TRAK2: variants seen among roughly 807,000 people sequenced by gnomAD.
The protein encoded by TRAK2 is trafficking kinesin-binding protein 2.
A neutral mutation model predicts 104.6 loss-of-function variants in TRAK2; 81 were observed. That is an observed-to-expected ratio of 0.77 (90% CI 0.65 to 0.93). The LOEUF (loss-of-function observed/expected upper bound fraction) is 0.93, where lower values mean the gene tolerates loss of function less well. TRAK2 is among the 40% of genes least tolerant of loss of function. The pLI is 0.00. For missense variants in TRAK2, 1,002 were observed against 1,089.0 expected (o/e 0.92, Z 1.12); for synonymous variants, 406 against 394.4 (o/e 1.03, Z -0.35).
At chr2:201,408,681 T>C (rs2125649952) in intron 2 of TRAK2, among the ~76,000 whole-genome samples, 1 of 152,346 alleles carries the variant, frequency 6.6e-6, no homozygotes, top group South Asian at 2.1e-4. Flanking sequence ...GGATATATAC[T>C]TTTTAAAAAT....
Position 201,410,564 on chromosome 2 carries a change from A to C in TRAK2, c.92-2967T>G, listed in dbSNP as rs1047291620. The stretch of plus-strand genomic sequence containing the variant: ...ACACCTCACCCAAAAAGATCTTTAA[A>C]ATCATTGCTAGCTGAACTGCTATTG... On this transcript the variant is annotated intron_variant, in intron 2 of 15. Transcript: ENST00000332624. 4 of 1,212,930 alleles carry C rather than the reference A, an allele frequency of 3.3e-6. No homozygotes were observed. In the African/African-American group the frequency reaches 6.0e-5, roughly 18 times the overall value. 75.1% of individuals were successfully genotyped at this position (1,212,930 alleles called of 1,614,324 possible).
intron 1 of TRAK2, among the ~76,000 whole-genome samples, chr2:201,426,178 C>T (rs1189364613): frequency 6.6e-6 from 1 of 152,184 alleles, no homozygotes; most frequent in African/African-American, 2.4e-5. Flanking sequence ...TACAGCCGCT[C>T]CCCATCACTC....
intron 2 of TRAK2, chr2:201,411,056 AG>A (rs985927236): frequency 1.6e-6 from 2 of 1,214,418 alleles, no homozygotes; most frequent in African/African-American, 3.0e-5. Context: ...CAACTGGTGT[AG>A]AAAACATCAT....
chr2:201,387,730 T>C lies in TRAK2; in HGVS notation c.1669A>G (p.Lys557Glu), dbSNP rs1403662875. Residue 557 changes from lysine to glutamate, a missense_variant, in exon 13 of 16, where the codon AAA (lysine) becomes GAA (glutamate). By Grantham distance (56) the Lys-to-Glu change is moderately conservative (BLOSUM62 1). Transcript: ENST00000332624. ...ASCLRGFMPE[K>E]LQIVKPLEGS... ...TCAAGGGGCTTGACAATTTGTAATTTTTCTGGCATAAAACCTCGAAGGCAA... is the reference window on the plus strand; with the variant it reads ...TCAAGGGGCTTGACAATTTGTAATTCTTCTGGCATAAAACCTCGAAGGCAA... The C allele has an allele frequency of 6.2e-7, 1 of 1,608,810 alleles. No homozygotes were observed. Among genetic ancestry groups the C allele is most frequent in the Admixed American group, 1.7e-5 (1 of 59,398 alleles).
chr2:201,400,335 T>C (rs544015127), intron 4 of TRAK2, among the ~76,000 whole-genome samples: 1 of 152,092 alleles, frequency 6.6e-6, no homozygotes, highest in Non-Finnish European at 1.5e-5. Context: ...ACAGTAATTA[T>C]TATATAAATA....
In TRAK2 at chr2:201,380,354, C is replaced by T. The variant is rs1224710000; in HGVS notation, c.*189G>A. On this transcript the variant is annotated 3_prime_UTR_variant, in exon 16 of 16. Transcript: ENST00000332624. ...AACACTCATGGCCCATTCATTTATA[C>T]TTTCAATTTGCCCGACTTCCTCCAT... 3.2e-6 allele frequency: 2 copies of T among 633,804 alleles called. No homozygotes were observed. The highest frequency in any genetic ancestry group is 5.5e-6 in the Non-Finnish European group (2 of 366,320). The allele number at this position is 633,804 out of a possible 1,614,324, so 39.3% of individuals were successfully genotyped here.
chr2:201,411,463 C>T, intron 2 of TRAK2: 1 of 744,066 alleles, frequency 1.3e-6, no homozygotes. Flanking sequence ...TTTCCTATGT[C>T]CAAAGATTTC....
At chr2:201,384,084 G>T in intron 15 of TRAK2, 27 bp downstream of exon 15, 1 of 1,423,784 alleles carries the variant, frequency 7.0e-7, no homozygotes, top group Non-Finnish European at 9.8e-7. Context: ...AAAGAAGTGA[G>T]GCCCCAGATT....
chr2:201,426,197 G>T (rs1951786944), intron 1 of TRAK2, among the ~76,000 whole-genome samples: 1 of 152,064 alleles, frequency 6.6e-6, no homozygotes, highest in Non-Finnish European at 1.5e-5. Flanking sequence ...TCGCATTACT[G>T]CCTGAGCTCT....
Position 201,380,650 on chromosome 2 carries a change from A to C in TRAK2, c.2638T>G (p.Leu880Val). 2 of 1,614,036 alleles carry C rather than the reference A, an allele frequency of 1.2e-6. No individual in the cohort carries two copies. The highest frequency in any genetic ancestry group is 1.7e-6 in the Non-Finnish European group (2 of 1,179,982). Residue 880 changes from leucine to valine, a missense_variant, in exon 16 of 16, where the codon TTA becomes GTA. Coordinates refer to ENST00000332624, the MANE Select transcript of TRAK2 (RefSeq NM_015049.3). ...TGATTCCTCCTTAGTCCACCTAATA[A>C]ACTGCTACCTGAATTTAAATAAACA... ...SAVYLNSGSS[L>V]LGGLRRNQSL...
intron 7 of TRAK2, among the ~76,000 whole-genome samples, chr2:201,396,582 G>A (rs1184745019): frequency 6.6e-6 from 1 of 152,076 alleles, no homozygotes; most frequent in Non-Finnish European, 1.5e-5. Flanking sequence ...ATTAGGCACA[G>A]TAAGAGATTA....
At chr2:201,388,616 T>A (rs764654610) in intron 12 of TRAK2, among the ~76,000 whole-genome samples, 106 of 152,348 alleles carry the variant, frequency 7.0e-4, no homozygotes, top group Non-Finnish European at 1.3e-3. Context: ...GGAAGCTATC[T>A]TATAATTGAT....
intron 1 of TRAK2, among the ~76,000 whole-genome samples, chr2:201,432,148 T>A (rs2125659406): frequency 6.6e-6 from 1 of 152,342 alleles, no homozygotes; most frequent in East Asian, 1.9e-4. Flanking sequence ...CTTGATAGCA[T>A]CTTCTTTCAA....
chr2:201,413,187 C>T, intron 2 of TRAK2: 1 of 1,516,908 alleles, frequency 6.6e-7, no homozygotes, highest in African/African-American at 1.4e-5. Context: ...CCCACTGCCA[C>T]CACTGGCAAT....
At chr2:201,443,435 G>A (rs548318629) in intron 1 of TRAK2, among the ~76,000 whole-genome samples, 14 of 152,138 alleles carry the variant, frequency 9.2e-5, no homozygotes, top group African/African-American at 3.1e-4. Context: ...CCCTCCCCTT[G>A]GTCTTTAAAT....
Position 201,380,845 on chromosome 2 carries a change from T to A in TRAK2, c.2443A>T (p.Met815Leu). 6.2e-7 allele frequency: 1 copy of A among 1,613,852 alleles called. No homozygotes were observed. ...TTCCGGGAGGGTCTCAAGCCATACA[T>A]CTCCTGGAGGAATGTCTCAGCTGGT... ...SRPAETFLQEMYGLRPSRNPP... is the reference protein window; with the variant it reads ...SRPAETFLQELYGLRPSRNPP... The change falls in exon 16 of 16, where the codon ATG (methionine) becomes TTG (leucine). Residue 815 changes from methionine to leucine, a missense_variant. By Grantham distance (15) the Met-to-Leu change is conservative. Transcript: ENST00000332624.
chr2:201,426,544 C>T lies in TRAK2; in HGVS notation c.-199-5838G>A, dbSNP rs542279161. Among the ~76,000 whole-genome samples the T allele has an allele frequency of 5.3e-5, 8 of 152,316 alleles. No individual in the cohort carries two copies. The East Asian group carries it at 7.7e-4, about 15-fold the overall frequency. On this transcript the variant is annotated intron_variant, in intron 1 of 15. Coordinates refer to ENST00000332624, the MANE Select transcript of TRAK2 (RefSeq NM_015049.3). ...TGGTCCATGGAAAAATTGTCTTCCACGAAACCAGTCCCTGATGGCAGAAAG... is the reference window on the plus strand; with the variant it reads ...TGGTCCATGGAAAAATTGTCTTCCATGAAACCAGTCCCTGATGGCAGAAAG...
intron 10 of TRAK2, 40 bp from the exon 11 acceptor site, chr2:201,389,920 C>A (rs1297543506): frequency 7.9e-6 from 12 of 1,518,400 alleles, no homozygotes; most frequent in Non-Finnish European, 1.1e-5. Context: ...TGATTGTTGC[C>A]CTTAAATTAA....
chr2:201,385,763 A>T (rs1307930116), intron 14 of TRAK2, among the ~76,000 whole-genome samples: 4 of 152,240 alleles, frequency 2.6e-5, no homozygotes, highest in African/African-American at 9.6e-5. Flanking sequence ...CAAAAATTAG[A>T]GACTTGAACA....
Sources: gnomAD v4.1 joint callset for allele counts (sites outside exome capture counted in the v4.1 genomes callset) on GRCh38, gnomAD v4.1.1 for gene constraint, MANE v1.5 for transcripts, NCBI Gene and HGNC (gene_info 2026-07-23, HGNC 2026-07-21) for gene names.